Variants in ATF2 observed in about 807,000 individuals in gnomAD.
ATF2 encodes the protein cyclic AMP-dependent transcription factor ATF-2.
Under a neutral mutation model 60.6 loss-of-function variants are expected in ATF2, and 24 were observed. The ratio of observed to expected loss-of-function variants is 0.40; its 90% CI spans 0.29 to 0.56. ATF2 has a LOEUF of 0.56. ATF2 is among the 20% of genes least tolerant of loss of function. The pLI is 0.54. For missense variants in ATF2, 433 were observed against 607.7 expected, an observed-to-expected ratio of 0.71 and a Z score of 3.02; for synonymous variants, 206 against 215.4, an observed-to-expected ratio of 0.96 and a Z score of 0.38.
chr2:175,127,432 C>G (rs1475722144), intron 4 of ATF2, among the ~76,000 whole-genome samples: 4 of 152,154 alleles, frequency 2.6e-5, no homozygotes, highest in Non-Finnish European at 4.4e-5. Context: ...ATTTCTCTCT[C>G]TGTGTCCACT....
chr2:175,130,585 C>G (rs375640520), intron 3 of ATF2, among the ~76,000 whole-genome samples: 52 of 152,134 alleles, frequency 3.4e-4, no homozygotes, highest in African/African-American at 1.2e-3. Flanking sequence ...AAATCTCCAT[C>G]TCCAGTCCTA....
intron 1 of ATF2, among the ~76,000 whole-genome samples, chr2:175,157,685 T>C (rs1160526749): frequency 1.3e-5 from 2 of 152,124 alleles, no homozygotes; most frequent in African/African-American, 4.8e-5. Context: ...GACACGACTT[T>C]ATTCCCTTTC....
intron 2 of ATF2, among the ~76,000 whole-genome samples, chr2:175,140,896 CT>C (rs1698461446): frequency 6.9e-6 from 1 of 144,542 alleles, no homozygotes; most frequent in Non-Finnish European, 1.5e-5. Context: ...GCTCAGGAGG[CT>C]GAGGCAGGAG....
chr2:175,149,317 T>A (rs1307478784), intron 2 of ATF2, among the ~76,000 whole-genome samples: 1 of 152,152 alleles, frequency 6.6e-6, no homozygotes, highest in Non-Finnish European at 1.5e-5. Flanking sequence ...GCAACAGAGA[T>A]CACATGTGGT....
At position 175,073,682 on chromosome 2, in the gene ATF2, A is replaced by T. The variant is rs1399651674; in HGVS notation, c.*927T>A. The T allele has an allele frequency of 6.6e-6, 1 of 152,114 alleles. No individual in the cohort carries two copies. Among genetic ancestry groups the T allele is most frequent in the Non-Finnish European group, 1.5e-5 (1 of 68,008 alleles). The allele number at this position is 152,114 out of a possible 1,614,324, so 9.4% of individuals were successfully genotyped here. ...GGGGGTAAACAGTCTTAAATTTTCT[A>T]AGTAGTAATTTTAGGCTTTTCTGGC... On this transcript the variant is annotated 3_prime_UTR_variant, in exon 14 of 14. Transcript: ENST00000264110.
intron 13 of ATF2, among the ~76,000 whole-genome samples, chr2:175,078,340 T>C (rs1170845389): frequency 2.6e-5 from 4 of 152,342 alleles, no homozygotes; most frequent in Admixed American, 6.5e-5. Context: ...TTCCCATTTA[T>C]AATTATAGAG....
chr2:175,136,298 T>G, intron 3 of ATF2, 114 bp downstream of exon 3: 1 of 1,001,856 alleles, frequency 1.0e-6, no homozygotes. Flanking sequence ...GTAAGTGACT[T>G]GTTTTGTATG....
intron 4 of ATF2, among the ~76,000 whole-genome samples, chr2:175,128,746 C>G (rs181073371): frequency 1.6e-4 from 24 of 152,024 alleles, no homozygotes; most frequent in African/African-American, 5.5e-4. Context: ...GATATTATTA[C>G]GAAAATTAAG....
chr2:175,112,124 C>G (rs1445620745), intron 9 of ATF2, among the ~76,000 whole-genome samples: 1 of 152,174 alleles, frequency 6.6e-6, no homozygotes, highest in African/African-American at 2.4e-5. Context: ...CTGAAATAAT[C>G]TGTAACAGGT....
At chr2:175,128,756 G>T (rs750641346) in intron 4 of ATF2, among the ~76,000 whole-genome samples, 7 of 151,968 alleles carry the variant, frequency 4.6e-5, no homozygotes, top group Non-Finnish European at 8.8e-5. Context: ...CGAAAATTAA[G>T]ATGCAAACCA....
chr2:175,075,484 C>G (rs1032141072), intron 13 of ATF2, among the ~76,000 whole-genome samples: 18 of 152,034 alleles, frequency 1.2e-4, no homozygotes, highest in Non-Finnish European at 1.5e-4. Flanking sequence ...AACATTGCAT[C>G]TGAAAAGATA....
At chr2:175,076,280 T>C (rs190228287) in intron 13 of ATF2, among the ~76,000 whole-genome samples, 162 of 152,256 alleles carry the variant, frequency 1.1e-3, no homozygotes, top group African/African-American at 3.5e-3. Flanking sequence ...CCATCTTCTC[T>C]ATAACATGCT....
rs35962280 is a variant in ATF2, at chr2:175,089,181, C to CAA, written c.1185+3878_1185+3879dup. Among the ~76,000 whole-genome samples, 822 of 139,352 alleles carry CAA rather than the reference C, an allele frequency of 5.9e-3. 5 individuals carry two copies. Among genetic ancestry groups the CAA allele is most frequent in the African/African-American group, 0.019 (758 of 38,944 alleles). The allele number at this position is 139,352 out of a possible 152,430, so 91.4% of individuals were successfully genotyped here. A position where few individuals can be genotyped will look rare whatever the true frequency, so the allele number is the denominator to read the frequency against. On this transcript the variant is annotated intron_variant, in intron 12 of 13. Coordinates refer to ENST00000264110, the MANE Select transcript of ATF2 (RefSeq NM_001880.4). ...GGGAATAAGAGCAAAACTCTGTCTCCAAAAAAAAAAACAATAATTTATAAC... is the reference window on the plus strand; with the variant it reads ...GGGAATAAGAGCAAAACTCTGTCTCCAAAAAAAAAAAAACAATAATTTATAAC...
chr2:175,142,726 T>A (rs949723904), intron 2 of ATF2, among the ~76,000 whole-genome samples: 118 of 144,648 alleles, frequency 8.2e-4, no homozygotes, highest in Middle Eastern at 3.4e-3. Context: ...AGAGAGTGTG[T>A]GTGTGTGTGT....
intron 4 of ATF2, among the ~76,000 whole-genome samples, chr2:175,129,353 T>C (rs1420648558): frequency 2.0e-5 from 3 of 152,138 alleles, no homozygotes; most frequent in African/African-American, 7.2e-5. Flanking sequence ...TTTTGGGTGA[T>C]TGTATGTTTA....
At chr2:175,130,461 G>A (rs990155071) in intron 3 of ATF2, among the ~76,000 whole-genome samples, 4 of 152,034 alleles carry the variant, frequency 2.6e-5, no homozygotes, top group Non-Finnish European at 5.9e-5. Flanking sequence ...GCTCAACAGT[G>A]TAAAAGTACT....
chr2:175,154,628 C>T (rs531629819), intron 1 of ATF2, among the ~76,000 whole-genome samples: 13 of 152,160 alleles, frequency 8.5e-5, no homozygotes, highest in African/African-American at 3.1e-4. Flanking sequence ...AAATGCTATA[C>T]TTTTATACAA....
At position 175,136,435 on chromosome 2, in the gene ATF2, G is replaced by A. The variant is rs778817652; in HGVS notation, c.9C>T (p.Phe3=). 6.2e-7 allele frequency: 1 copy of A among 1,610,034 alleles called. No homozygotes were observed. The highest frequency in any genetic ancestry group is 2.2e-5 in the East Asian group (1 of 44,606). The stretch of plus-strand genomic sequence containing the variant: ...ACCTGGCAGAATTCACATGTAACTT[G>A]AATTTCATAAGTTGAATAACTTATC... MK[F]KLHVNSARQY... The change falls in exon 3 of 14, where the codon TTC becomes TTT. Residue 3 remains phenylalanine, a synonymous_variant. Coordinates refer to ENST00000264110, the MANE Select transcript of ATF2 (RefSeq NM_001880.4).
intron 4 of ATF2, among the ~76,000 whole-genome samples, chr2:175,123,237 G>A (rs1037795593): frequency 6.6e-6 from 1 of 151,994 alleles, no homozygotes; most frequent in Non-Finnish European, 1.5e-5. Context: ...CTCAGAAAAC[G>A]AACATATCTG....
Sources: allele counts gnomAD v4.1 joint callset (sites outside exome capture counted in the v4.1 genomes callset), GRCh38; gene constraint gnomAD v4.1.1; transcripts MANE v1.5; gene names NCBI Gene and HGNC (gene_info 2026-07-23, HGNC 2026-07-21).